PALM2AKAP2: variants seen among roughly 807,000 people sequenced by gnomAD.
PALM2AKAP2 encodes the protein PALM2 and AKAP2 fusion, also known as PALM2-AKAP2 fusion protein.
Under a neutral mutation model 71.5 loss-of-function variants are expected in PALM2AKAP2, and 37 were observed. That is an observed-to-expected ratio of 0.52 (90% CI 0.40 to 0.68). The LOEUF is 0.68. Ranked by LOEUF, PALM2AKAP2 falls within the 30% of genes least tolerant of loss-of-function variation. PALM2AKAP2 has a pLI of 0.00. For synonymous variants in PALM2AKAP2, 468 were observed against 478.8 expected, an observed-to-expected ratio of 0.98 and a Z score of 0.29; for missense variants, 1,224 against 1,191.8, an observed-to-expected ratio of 1.03 and a Z score of -0.40.
intron 1 of PALM2AKAP2, among the ~76,000 whole-genome samples, chr9:109,743,018 G>C (rs771297293): frequency 6.6e-6 from 1 of 152,236 alleles, no homozygotes; most frequent in Admixed American, 6.5e-5. Flanking sequence ...CATTTACAGA[G>C]CCCCTTGGTC....
At chr9:110,005,761 A>T (rs1317299690) in intron 6 of PALM2AKAP2, among the ~76,000 whole-genome samples, 4 of 152,156 alleles carry the variant, frequency 2.6e-5, no homozygotes, top group Non-Finnish European at 4.4e-5. Flanking sequence ...GCCGCCTTGC[A>T]GTTTGATCTC....
chr9:109,858,053 C>T (rs1829214592), intron 1 of PALM2AKAP2, among the ~76,000 whole-genome samples: 1 of 152,234 alleles, frequency 6.6e-6, no homozygotes, highest in Non-Finnish European at 1.5e-5. Context: ...TATTAAGTCC[C>T]TGCACTCTAC....
chr9:109,782,189 C>A (rs1826823129), intron 1 of PALM2AKAP2, among the ~76,000 whole-genome samples: 2 of 152,118 alleles, frequency 1.3e-5, no homozygotes, highest in South Asian at 4.1e-4. Context: ...TTGAGTAATC[C>A]CAGCAGAGGC....
At chr9:109,769,501 G>A (rs901493638) in intron 1 of PALM2AKAP2, among the ~76,000 whole-genome samples, 8 of 152,108 alleles carry the variant, frequency 5.3e-5, no homozygotes. Flanking sequence ...TTAAATCAGC[G>A]ACAGACTGTT....
chr9:109,720,966 A>T (rs1828396579), intron 1 of PALM2AKAP2, among the ~76,000 whole-genome samples: 1 of 152,106 alleles, frequency 6.6e-6, no homozygotes, highest in African/African-American at 2.4e-5. Flanking sequence ...CACACCACTA[A>T]ATACTTTAGA....
chr9:109,823,804 T>A (rs767245859), intron 1 of PALM2AKAP2, among the ~76,000 whole-genome samples: 1 of 152,240 alleles, frequency 6.6e-6, no homozygotes, highest in Non-Finnish European at 1.5e-5. Flanking sequence ...GAGTGCTACA[T>A]ACAAATGTGT....
At chr9:110,074,843 A>C (rs1197069011) in intron 1 of PALM2AKAP2, among the ~76,000 whole-genome samples, 2 of 152,062 alleles carry the variant, frequency 1.3e-5, no homozygotes, top group Non-Finnish European at 2.9e-5. Context: ...TCTCTACTAG[A>C]AATACAAAAA....
intron 6 of PALM2AKAP2, among the ~76,000 whole-genome samples, chr9:109,967,257 C>CTGTA (rs1831968984): frequency 6.6e-6 from 1 of 152,136 alleles, no homozygotes; most frequent in Non-Finnish European, 1.5e-5. Flanking sequence ...AGCTCAGCAG[C>CTGTA]TGTATCTCAA....
At chr9:109,880,368 A>G (rs1829817742) in intron 2 of PALM2AKAP2, among the ~76,000 whole-genome samples, 183 bp from the exon 3 acceptor site, 1 of 152,228 alleles carries the variant, frequency 6.6e-6, no homozygotes, top group Non-Finnish European at 1.5e-5. Flanking sequence ...AAAATGATAT[A>G]GAGATAAATC....
intron 1 of PALM2AKAP2, among the ~76,000 whole-genome samples, chr9:109,824,530 A>G (rs7871857): frequency 0.043 from 6,551 of 152,244 alleles, 229 homozygotes; most frequent in East Asian, 0.13. Context: ...CACAGAGCAT[A>G]TTAGCAAATA....
intron 3 of PALM2AKAP2, among the ~76,000 whole-genome samples, chr9:109,892,786 A>G (rs1363531890): frequency 6.6e-6 from 1 of 152,096 alleles, no homozygotes; most frequent in Non-Finnish European, 1.5e-5. Flanking sequence ...ATAAAAAGAA[A>G]TAATAATAAT....
At chr9:109,874,043 A>G (rs1829664733) in intron 2 of PALM2AKAP2, among the ~76,000 whole-genome samples, 1 of 152,228 alleles carries the variant, frequency 6.6e-6, no homozygotes, top group South Asian at 2.1e-4. Flanking sequence ...CTGTAGATGA[A>G]AAAGATTGGG....
intron 2 of PALM2AKAP2, among the ~76,000 whole-genome samples, chr9:110,144,383 T>C (rs540953781): frequency 1.3e-5 from 2 of 152,370 alleles, no homozygotes; most frequent in African/African-American, 4.8e-5. Context: ...CATTCTCTGG[T>C]TACAAAAGTC....
intron 1 of PALM2AKAP2, among the ~76,000 whole-genome samples, chr9:109,747,837 T>G (rs966377791): frequency 9.2e-5 from 14 of 152,020 alleles, no homozygotes; most frequent in Non-Finnish European, 1.5e-4. Flanking sequence ...GCCTGGCTAA[T>G]TTTTTGTATT....
intron 1 of PALM2AKAP2, among the ~76,000 whole-genome samples, chr9:109,864,074 A>G (rs1829382674): frequency 6.6e-6 from 1 of 152,072 alleles, no homozygotes; most frequent in Non-Finnish European, 1.5e-5. Context: ...AAAAAAAAAA[A>G]TTCACTGTGA....
chr9:109,853,101 G>A (rs1350010807), intron 1 of PALM2AKAP2, among the ~76,000 whole-genome samples: 1 of 152,042 alleles, frequency 6.6e-6, no homozygotes, highest in African/African-American at 2.4e-5. Flanking sequence ...GGGATCTAGG[G>A]GCAAGTTACC....
At chr9:109,874,545 A>G (rs1829676566) in intron 2 of PALM2AKAP2, among the ~76,000 whole-genome samples, 1 of 152,166 alleles carries the variant, frequency 6.6e-6, no homozygotes, top group Non-Finnish European at 1.5e-5. Context: ...CATTATTGTC[A>G]CCATCATCAC....
intron 1 of PALM2AKAP2, among the ~76,000 whole-genome samples, chr9:109,665,559 A>G (rs1176711192): frequency 6.6e-6 from 1 of 152,044 alleles, no homozygotes; most frequent in African/African-American, 2.4e-5. Context: ...CTTCCTCTGG[A>G]AGCTTTGTCC....
At chr9:110,054,330 C>T (rs1302600387) in intron 1 of PALM2AKAP2, among the ~76,000 whole-genome samples, 2 of 152,054 alleles carry the variant, frequency 1.3e-5, no homozygotes, top group African/African-American at 4.8e-5. Flanking sequence ...ACCCAGGAGG[C>T]AGAGGTTGCG....
Sources: allele counts gnomAD v4.1 joint callset (sites outside exome capture counted in the v4.1 genomes callset), GRCh38; gene constraint gnomAD v4.1.1; transcripts MANE v1.5; gene names NCBI Gene and HGNC (gene_info 2026-07-23, HGNC 2026-07-21).